Variants in IRX1 observed in about 807,000 individuals in gnomAD.
IRX1 encodes the protein iroquois homeobox 1, also known as iroquois-class homeodomain protein IRX-1.
In IRX1, 22 loss-of-function variants were observed where a neutral mutation model predicts 34.1. That is an observed-to-expected ratio of 0.64 (90% confidence interval 0.46 to 0.92). IRX1 has a LOEUF of 0.92. IRX1 is among the 40% of genes least tolerant of loss of function. IRX1 has a pLI of 0.00. For synonymous variants in IRX1, 363 were observed against 319.0 expected (o/e 1.14, Z -1.47); for missense variants, 758 against 680.0 (o/e 1.11, Z -1.28).
intron 1 of IRX1, among the ~76,000 whole-genome samples, chr5:3,596,949 C>T (rs1439580598): frequency 1.3e-5 from 2 of 152,048 alleles, no homozygotes; most frequent in South Asian, 2.1e-4. Context: ...CAATAGAGGT[C>T]CAAAGGGATG....
At position 3,601,056 on chromosome 5, in the gene IRX1, T is replaced by A; in HGVS notation, c.*16T>A. 1 of 1,563,912 alleles carries A rather than the reference T, an allele frequency of 6.4e-7. No homozygotes were observed. The highest frequency in any genetic ancestry group is 8.7e-7 in the Non-Finnish European group (1 of 1,150,988). On this transcript the variant is annotated 3_prime_UTR_variant, in exon 4 of 4. Transcript: ENST00000302006. ...GTCCGCCTGATTAAGGGTCTTCTTTTACTTTTGCGGGGGGGAGGGGGGAGG... is the reference window on the plus strand; with the variant it reads ...GTCCGCCTGATTAAGGGTCTTCTTTAACTTTTGCGGGGGGGAGGGGGGAGG...
In IRX1 at chr5:3,595,994, G is replaced by C. The variant is rs879593971; in HGVS notation, c.-112G>C. The C allele has an allele frequency of 1.6e-3, 996 of 633,522 alleles. No homozygotes were observed. The highest frequency in any genetic ancestry group is 1.9e-3 in the Non-Finnish European group (944 of 508,604). The allele number at this position is 633,522 out of a possible 1,614,324, so 39.2% of individuals were successfully genotyped here. ...CCCGAGCGCGCCCGGCCGGCCGCCC[G>C]CTCCTCCCTAGACCCCTCGCGGCGC... is the stretch of plus-strand genomic sequence containing the variant. On this transcript the variant is annotated 5_prime_UTR_variant, in exon 1 of 4. Transcript: ENST00000302006.
At position 3,598,172 on chromosome 5, in the gene IRX1, C is replaced by T. The variant is rs115561665; in HGVS notation, c.277-1053C>T. 4.4e-3 allele frequency among the ~76,000 whole-genome samples: 666 copies of T among 152,188 alleles called. 2 individuals carry two copies. The highest frequency in any genetic ancestry group is 0.015 in the African/African-American group (623 of 41,516). Reference sequence around the variant, plus strand: ...CCATTATAATTGGGTGTTTGGAAGTCAAAAGATAAAATTGTATTTGAATGT... The same window carrying T: ...CCATTATAATTGGGTGTTTGGAAGTTAAAAGATAAAATTGTATTTGAATGT... On this transcript the variant is annotated intron_variant, in intron 1 of 3. Coordinates refer to ENST00000302006, the MANE Select transcript of IRX1 (RefSeq NM_024337.4).
At position 3,599,949 on chromosome 5, in the gene IRX1, C is replaced by A; in HGVS notation, c.1001C>A (p.Pro334Gln). The A allele has an allele frequency of 6.7e-7, 1 of 1,503,494 alleles. No homozygotes were observed. Among genetic ancestry groups the A allele is most frequent in the Non-Finnish European group, 8.9e-7 (1 of 1,123,174 alleles). The allele number at this position is 1,503,494 out of a possible 1,614,324, so 93.1% of individuals were successfully genotyped here. Residue 334 changes from proline to glutamine, a missense_variant, in exon 2 of 4, where the codon CCA becomes CAA. Transcript: ENST00000302006. This position sits in a 1 kb window ranked among gnomAD's most constrained non-coding sequence, Gnocchi z 6.6. ...CCCGACGGTGCGCCCAAGGCTTCGC[C>A]ACCACCACCCGCGGGCCACCCCGGC... ...TSPDGAPKAS[P>Q]PPPAGHPGAH...
chr5:3,600,995 G>T lies in IRX1; in HGVS notation c.1398G>T (p.Pro466=), dbSNP rs748502900. 42 of 1,613,136 alleles carry T rather than the reference G, an allele frequency of 2.6e-5. No homozygotes were observed. The East Asian group carries it at 5.8e-4, about 22-fold the overall frequency. Residue 466 remains proline, a synonymous_variant, in exon 4 of 4, where the codon CCG becomes CCT. Transcript: ENST00000302006. ...GTTTCCCATGCAGCTCTCTGGCCCC[G>T]CAGGAGGGAACGCCGCGGATCCTAG... ...FQPVRDNSLA[P]QEGTPRILAA...
chr5:3,601,120 A>AT lies in IRX1; in HGVS notation c.*81dup. 7.8e-7 allele frequency: 1 copy of AT among 1,280,172 alleles called. No individual in the cohort carries two copies. The highest frequency in any genetic ancestry group is 1.8e-5 in the Admixed American group (1 of 55,534). 79.3% of individuals were successfully genotyped at this position (1,280,172 alleles called of 1,614,324 possible). A position where few individuals can be genotyped will look rare whatever the true frequency, so the allele number is the denominator to read the frequency against. ...GGGAATGTGGGAGGAATTAAGACAA[A>AT]TATTTCAGACTGGTGTAAAGGACAA... On this transcript the variant is annotated 3_prime_UTR_variant, in exon 4 of 4. Coordinates refer to ENST00000302006, the MANE Select transcript of IRX1 (RefSeq NM_024337.4).
chr5:3,597,103 C>A (rs187510397), intron 1 of IRX1, among the ~76,000 whole-genome samples: 14 of 152,308 alleles, frequency 9.2e-5, no homozygotes, highest in Admixed American at 7.8e-4. Flanking sequence ...AAGAAAAGCA[C>A]TTTTCTTCCT....
At position 3,601,083 on chromosome 5, in the gene IRX1, G is replaced by C; in HGVS notation, c.*43G>C. 7.9e-7 allele frequency: 1 copy of C among 1,267,898 alleles called. No homozygotes were observed. Among genetic ancestry groups the C allele is most frequent in the Non-Finnish European group, 1.1e-6 (1 of 877,680 alleles). 78.5% of individuals were successfully genotyped at this position (1,267,898 alleles called of 1,614,324 possible). Reference sequence around the variant, plus strand: ...CTTTTGCGGGGGGGAGGGGGGAGGAGTTGGGGAGGGAGGGAATGTGGGAGG... The same window carrying C: ...CTTTTGCGGGGGGGAGGGGGGAGGACTTGGGGAGGGAGGGAATGTGGGAGG... On this transcript the variant is annotated 3_prime_UTR_variant, in exon 4 of 4. Coordinates refer to ENST00000302006, the MANE Select transcript of IRX1 (RefSeq NM_024337.4).
At position 3,595,971 on chromosome 5, in the gene IRX1, C is replaced by A. The variant is rs1034021765; in HGVS notation, c.-135C>A. On this transcript the variant is annotated 5_prime_UTR_variant, in exon 1 of 4. Transcript: ENST00000302006. ...ACCGGCCTCCATCTCCCGGCCCGCC[C>A]GAGCGCGCCCGGCCGGCCGCCCGCT... 2 of 428,634 alleles carry A rather than the reference C, an allele frequency of 4.7e-6. No individual in the cohort carries two copies. Among genetic ancestry groups the A allele is most frequent in the Non-Finnish European group, 6.3e-6 (2 of 319,266 alleles). The allele number at this position is 428,634 out of a possible 1,614,324, so 26.6% of individuals were successfully genotyped here.
chr5:3,599,521 G>C lies in IRX1; in HGVS notation c.573G>C (p.Val191=). 1 of 1,614,204 alleles carries C rather than the reference G, an allele frequency of 6.2e-7. No homozygotes were observed. The highest frequency in any genetic ancestry group is 1.1e-5 in the South Asian group (1 of 91,084). ...ARRRLKKENK[V]TWGARSKDQE... ...GGCGCCTCAAGAAGGAGAACAAGGT[G>C]ACATGGGGAGCGCGCAGCAAGGACC... Residue 191 remains valine (V), a synonymous_variant, in exon 2 of 4, where the codon GTG becomes GTC. Coordinates refer to ENST00000302006, the MANE Select transcript of IRX1 (RefSeq NM_024337.4). The surrounding 1 kb of genome is among the most constrained non-coding windows in gnomAD (Gnocchi z 6.6).
rs950004076 is a variant in IRX1 at position 3,600,139 on chromosome 5, C to T, written c.1191C>T (p.Pro397=). The T allele has an allele frequency of 6.2e-7, 1 of 1,613,214 alleles. No homozygotes were observed. The highest frequency in any genetic ancestry group is 1.3e-5 in the African/African-American group (1 of 75,072). ...GCTCCTTCCTGGGCGTTGGCGCTCC[C>T]CACGCCGCGCCCCATGGCCCTCACC... ...NMRSFLGVGA[P]HAAPHGPHLP... Residue 397 remains proline, a synonymous_variant, in exon 2 of 4, where the codon CCC becomes CCT. Coordinates refer to ENST00000302006, the MANE Select transcript of IRX1 (RefSeq NM_024337.4).
Position 3,601,302 on chromosome 5 carries a change from T to A in IRX1, c.*262T>A. 1.8e-6 allele frequency: 1 copy of A among 543,662 alleles called. No homozygotes were observed. Among genetic ancestry groups the A allele is most frequent in the South Asian group, 2.1e-5 (1 of 48,158 alleles). 33.7% of individuals were successfully genotyped at this position (543,662 alleles called of 1,614,324 possible). A position where few individuals can be genotyped will look rare whatever the true frequency, so the allele number is the denominator to read the frequency against. ...ATGCCCCCACGTGCTTGTGTCTCTT[T>A]CCCCCCTTTTCTGTATATAGAGTGG... On this transcript the variant is annotated 3_prime_UTR_variant, in exon 4 of 4. Transcript: ENST00000302006.
chr5:3,597,462 T>C (rs1376086990), intron 1 of IRX1, among the ~76,000 whole-genome samples: 5 of 152,204 alleles, frequency 3.3e-5, no homozygotes, highest in African/African-American at 7.2e-5. Context: ...CCCTCAAGTG[T>C]GCACAAGCAA....
intron 3 of IRX1, 150 bp from the exon 4 acceptor site, chr5:3,600,833 C>T: frequency 8.7e-7 from 1 of 1,143,012 alleles, no homozygotes; most frequent in Non-Finnish European, 1.3e-6. Context: ...GCCGGGCGAG[C>T]CGAGGAGACT....
chr5:3,598,895 G>A (rs1334710703), intron 1 of IRX1, among the ~76,000 whole-genome samples: 1 of 152,178 alleles, frequency 6.6e-6, no homozygotes, highest in African/African-American at 2.4e-5. Flanking sequence ...AACTTGCAGG[G>A]GCCGCGGCCT....
Position 3,599,022 on chromosome 5 carries a change from T to C in IRX1, c.277-203T>C, listed in dbSNP as rs1733869272. Among the ~76,000 whole-genome samples, 1 of 152,072 alleles carries C rather than the reference T, an allele frequency of 6.6e-6. No homozygotes were observed. Among genetic ancestry groups the C allele is most frequent in the Non-Finnish European group, 1.5e-5 (1 of 68,006 alleles). ...AGTCAGCTCATGGTCCTGGCTCCCC[T>C]TCTCCCCAGCAGTGAACTGGGGGTG... On this transcript the variant is annotated intron_variant, in intron 1 of 3. Coordinates refer to ENST00000302006, the MANE Select transcript of IRX1 (RefSeq NM_024337.4). This position sits in a 1 kb window ranked among gnomAD's most constrained non-coding sequence, Gnocchi z 6.6.
In IRX1 at chr5:3,599,892, A is replaced by G; in HGVS notation, c.944A>G (p.Lys315Arg). 6.7e-7 allele frequency: 1 copy of G among 1,485,430 alleles called. No homozygotes were observed. Among genetic ancestry groups the G allele is most frequent in the Non-Finnish European group, 8.9e-7 (1 of 1,119,432 alleles). The allele number at this position is 1,485,430 out of a possible 1,614,324, so 92.0% of individuals were successfully genotyped here. ...GLQGAPHGKP[K>R]IWSLAETATS... ...CAGGGTGCGCCGCACGGCAAGCCCA[A>G]GATCTGGTCGCTGGCGGAGACAGCC... is the stretch of plus-strand genomic sequence containing the variant. Residue 315 changes from lysine (K) to arginine (R), a missense_variant, in exon 2 of 4, where the codon AAG (lysine) becomes AGG (arginine). Coordinates refer to ENST00000302006, the MANE Select transcript of IRX1 (RefSeq NM_024337.4). The surrounding 1 kb of genome is among the most constrained non-coding windows in gnomAD (Gnocchi z 6.6).
rs1385673409 is a variant in IRX1 at position 3,601,284 on chromosome 5, C to A, written c.*244C>A. The A allele has an allele frequency of 3.5e-6, 2 of 569,598 alleles. No homozygotes were observed. The highest frequency in any genetic ancestry group is 6.1e-5 in the Admixed American group (2 of 32,724). 35.3% of individuals were successfully genotyped at this position (569,598 alleles called of 1,614,324 possible). A position where few individuals can be genotyped will look rare whatever the true frequency, so the allele number is the denominator to read the frequency against. The stretch of plus-strand genomic sequence containing the variant: ...GATTATCGGGTTCGGTAAATGCCCC[C>A]ACGTGCTTGTGTCTCTTTCCCCCCT... On this transcript the variant is annotated 3_prime_UTR_variant, in exon 4 of 4. Transcript: ENST00000302006.
chr5:3,600,541 G>C, intron 2 of IRX1, 68 bp from the exon 3 acceptor site: 1 of 1,409,930 alleles, frequency 7.1e-7, no homozygotes. Context: ...GAAGTTGGTG[G>C]GAAGGAGGCC....
Sources: allele counts gnomAD v4.1 joint callset (sites outside exome capture counted in the v4.1 genomes callset), GRCh38; gene constraint gnomAD v4.1.1; non-coding constraint Gnocchi (gnomAD v3.1); transcripts MANE v1.5; gene names NCBI Gene and HGNC (gene_info 2026-07-23, HGNC 2026-07-21).